The following KLHDC1 variants were observed in gnomAD, a reference collection of about 807,000 sequenced individuals.
KLHDC1 encodes kelch domain containing 1.
A neutral mutation model predicts 68.3 loss-of-function variants in KLHDC1; 53 were observed. The observed-to-expected ratio is 0.78, with a 90% confidence interval of 0.62 to 0.98. The LOEUF (loss-of-function observed/expected upper bound fraction) is 0.98. Among genes scored for constraint, KLHDC1 ranks in the 50% least tolerant of loss-of-function variants. The pLI, the probability that KLHDC1 is intolerant of heterozygous loss-of-function variation, is 0.00. For missense variants in KLHDC1, 470 were observed against 492.3 expected, an observed-to-expected ratio of 0.95 and a Z score of 0.43; for synonymous variants, 148 against 159.0, an observed-to-expected ratio of 0.93 and a Z score of 0.52.
intron 4 of KLHDC1, among the ~76,000 whole-genome samples, chr14:49,719,931 C>T (rs1888483323): frequency 6.6e-6 from 1 of 151,566 alleles, no homozygotes; most frequent in Non-Finnish European, 1.5e-5. Context: ...CTCAAGCGTT[C>T]CTCCTTCCTC....
In KLHDC1 at chr14:49,740,225, G is replaced by C. The variant is rs752794115; in HGVS notation, c.981+43G>C. 39 of 1,176,580 alleles carry C rather than the reference G, an allele frequency of 3.3e-5. No homozygotes were observed. In the South Asian group the frequency reaches 5.0e-4, roughly 15 times the overall value. 72.9% of individuals were successfully genotyped at this position (1,176,580 alleles called of 1,614,324 possible). On this transcript the variant is annotated intron_variant, in intron 11 of 12. Coordinates refer to ENST00000359332, the MANE Select transcript of KLHDC1 (RefSeq NM_172193.3). ...CTAAATATTTCCTCTGAGTAGTTGTGTTATTCACACTAAATGGCTATTCAG... is the reference window on the plus strand; with the variant it reads ...CTAAATATTTCCTCTGAGTAGTTGTCTTATTCACACTAAATGGCTATTCAG...
At chr14:49,695,350 A>G (rs1594642313) in intron 1 of KLHDC1, among the ~76,000 whole-genome samples, 1 of 152,166 alleles carries the variant, frequency 6.6e-6, no homozygotes, top group Admixed American at 6.6e-5. Flanking sequence ...TGATTCCTTG[A>G]TCCATGGGCA....
Position 49,713,830 on chromosome 14 carries a change from A to AT in KLHDC1, c.404+3450dup, listed in dbSNP as rs1566602881. 9.5e-4 allele frequency among the ~76,000 whole-genome samples: 2 copies of AT among 2,112 alleles called. 1 individual carries two copies. The highest frequency in any genetic ancestry group is 4.4e-3 in the Non-Finnish European group (2 of 456). 1.4% of individuals were successfully genotyped at this position (2,112 alleles called of 152,430 possible). ...TATATATATATATATATATATATATATATATATATATATATATATATTTTT... is the reference window on the plus strand; with the variant it reads ...TATATATATATATATATATATATATATTATATATATATATATATATATTTTT... On this transcript the variant is annotated intron_variant, in intron 4 of 12. Transcript: ENST00000359332.
chr14:49,717,270 T>A (rs933845446), intron 4 of KLHDC1, among the ~76,000 whole-genome samples: 1 of 152,186 alleles, frequency 6.6e-6, no homozygotes, highest in East Asian at 1.9e-4. Flanking sequence ...TATGTTTAAG[T>A]TTTTGAGGAA....
At chr14:49,703,344 ATTT>A (rs201926678) in intron 1 of KLHDC1, among the ~76,000 whole-genome samples, 2 of 141,910 alleles carry the variant, frequency 1.4e-5, no homozygotes, top group Non-Finnish European at 3.1e-5. Flanking sequence ...TCTTTCATGA[ATTT>A]TTTTTTTTTT....
At chr14:49,728,683 G>A (rs1386794630) in intron 6 of KLHDC1, among the ~76,000 whole-genome samples, 1 of 152,154 alleles carries the variant, frequency 6.6e-6, no homozygotes, top group African/African-American at 2.4e-5. Context: ...TTGCTAAATA[G>A]TGTCAGACAT....
chr14:49,711,446 G>T (rs924167133), intron 4 of KLHDC1, among the ~76,000 whole-genome samples: 1 of 151,922 alleles, frequency 6.6e-6, no homozygotes, highest in Non-Finnish European at 1.5e-5. Context: ...CTTGTGATCC[G>T]CCCGCCTCGG....
rs1566589138 is a variant in KLHDC1 at position 49,693,742 on chromosome 14, C to CTTTTTTTTTTTTTTTTTT, written c.96+457_96+458insTTTTTTTTTTTTTTTTTT. Among the ~76,000 whole-genome samples, 6 of 60,916 alleles carry CTTTTTTTTTTTTTTTTTT rather than the reference C, an allele frequency of 9.8e-5. 1 individual carries two copies. Among genetic ancestry groups the CTTTTTTTTTTTTTTTTTT allele is most frequent in the African/African-American group, 2.2e-4 (4 of 18,484 alleles). 40.0% of individuals were successfully genotyped at this position (60,916 alleles called of 152,430 possible). On this transcript the variant is annotated intron_variant, in intron 1 of 12. Transcript: ENST00000359332. ...AGCATTTAAATATTTATTTTCTTTT[C>CTTTTTTTTTTTTTTTTTT]TTTTTCTTTTTTTTTTTTTTTTGAG...
intron 1 of KLHDC1, chr14:49,707,646 C>CT (rs368932553): frequency 0.89 from 81,552 of 91,186 alleles, 37,716 homozygotes; most frequent in South Asian, 0.99. Context: ...ACACCTGGCC[C>CT]TTTTTTTTTT....
chr14:49,744,278 G>A (rs549844271), intron 12 of KLHDC1, among the ~76,000 whole-genome samples: 1 of 150,810 alleles, frequency 6.6e-6, no homozygotes, highest in East Asian at 2.0e-4. Flanking sequence ...GAAATAGACT[G>A]AAAGCCTGTA....
intron 4 of KLHDC1, 66 bp downstream of exon 4, chr14:49,710,447 T>C (rs1298049947): frequency 1.2e-6 from 1 of 840,894 alleles, no homozygotes; most frequent in African/African-American, 1.7e-5. Flanking sequence ...TTGGCTAAAA[T>C]ACAGAATGCT....
chr14:49,734,033 G>A (rs1888876990), intron 9 of KLHDC1, among the ~76,000 whole-genome samples: 1 of 152,112 alleles, frequency 6.6e-6, no homozygotes, highest in Admixed American at 6.6e-5. Context: ...CATTTCACTA[G>A]GGGCTGTTTA....
At chr14:49,750,819 G>A (rs888787824) in intron 12 of KLHDC1, among the ~76,000 whole-genome samples, 1 of 152,136 alleles carries the variant, frequency 6.6e-6, no homozygotes, top group African/African-American at 2.4e-5. Flanking sequence ...AAGGGGAAAA[G>A]AAATGAACAC....
chr14:49,722,754 TAAGAG>T (rs768637162), intron 4 of KLHDC1, among the ~76,000 whole-genome samples: 21 of 151,664 alleles, frequency 1.4e-4, no homozygotes, highest in Admixed American at 2.0e-4. Context: ...TGGCAACAGA[TAAGAG>T]AAGAGAGCTT....
intron 10 of KLHDC1, among the ~76,000 whole-genome samples, chr14:49,738,974 G>A (rs535893916): frequency 8.2e-4 from 125 of 152,294 alleles, no homozygotes; most frequent in Middle Eastern, 6.8e-3. Flanking sequence ...TTAACTTAAG[G>A]ACCTCATAAT....
intron 10 of KLHDC1, among the ~76,000 whole-genome samples, chr14:49,735,967 A>C (rs976278536): frequency 6.6e-6 from 1 of 152,088 alleles, no homozygotes; most frequent in Non-Finnish European, 1.5e-5. Flanking sequence ...GTGAGCTGAG[A>C]TTGTGCCACT....
At chr14:49,743,556 T>C (rs1315391672) in intron 11 of KLHDC1, among the ~76,000 whole-genome samples, 197 bp from the exon 12 acceptor site, 2 of 152,130 alleles carry the variant, frequency 1.3e-5, no homozygotes, top group East Asian at 1.9e-4. Flanking sequence ...AACTCAAAGT[T>C]TGTAGGTAGC....
intron 1 of KLHDC1, among the ~76,000 whole-genome samples, chr14:49,704,176 T>C (rs1887982769): frequency 6.6e-6 from 1 of 152,190 alleles, no homozygotes; most frequent in South Asian, 2.1e-4. Context: ...GGTTTTTGTT[T>C]TCATTTCCCT....
intron 4 of KLHDC1, among the ~76,000 whole-genome samples, 157 bp from the exon 5 acceptor site, chr14:49,723,717 T>C (rs1389707561): frequency 6.6e-6 from 1 of 152,174 alleles, no homozygotes; most frequent in Non-Finnish European, 1.5e-5. Flanking sequence ...CTTTCTGGAA[T>C]TGGTTTATTT....
Sources: allele counts gnomAD v4.1 joint callset (sites outside exome capture counted in the v4.1 genomes callset), GRCh38; gene constraint gnomAD v4.1.1; transcripts MANE v1.5; gene names NCBI Gene and HGNC (gene_info 2026-07-23, HGNC 2026-07-21).